The following CSMD1 variants were observed in gnomAD, a reference collection of about 807,000 sequenced individuals.
The protein encoded by CSMD1 is CUB and Sushi multiple domains 1.
CSMD1 carries 213 observed loss-of-function variants against 417.5 expected under a neutral mutation model. The observed-to-expected ratio is 0.51, with a 90% CI of 0.46 to 0.57. The LOEUF (loss-of-function observed/expected upper bound fraction) is 0.57. CSMD1 is among the 20% of genes least tolerant of loss of function. The probability of loss-of-function intolerance (pLI) is 0.00; values close to 1 mark genes in which losing one functional copy is unlikely to be tolerated. For missense variants in CSMD1, 6,923 were observed against 4,529.7 expected, an observed-to-expected ratio of 1.53 and a Z score of -15.17; for synonymous variants, 2,862 against 1,736.8, an observed-to-expected ratio of 1.65 and a Z score of -16.11.
At chr8:3,174,691 C>G (rs933036966) in intron 37 of CSMD1, among the ~76,000 whole-genome samples, 9 of 151,948 alleles carry the variant, frequency 5.9e-5, no homozygotes, top group African/African-American at 2.2e-4. Context: ...ATTTTATTGT[C>G]AGAACATTTA....
chr8:3,838,197 A>G (rs1050865484), intron 5 of CSMD1, among the ~76,000 whole-genome samples: 4 of 152,022 alleles, frequency 2.6e-5, no homozygotes, highest in African/African-American at 9.7e-5. Context: ...CTGCCTTCCT[A>G]TGGATAGATA....
At chr8:4,686,794 C>G (rs1323584476) in intron 1 of CSMD1, among the ~76,000 whole-genome samples, 2 of 152,158 alleles carry the variant, frequency 1.3e-5, no homozygotes, top group Non-Finnish European at 2.9e-5. Flanking sequence ...TTCAGAGACC[C>G]ATTTGAAAGG....
intron 3 of CSMD1, among the ~76,000 whole-genome samples, chr8:4,075,629 A>C (rs1799781011): frequency 6.6e-6 from 1 of 152,130 alleles, no homozygotes; most frequent in South Asian, 2.1e-4. Flanking sequence ...TTGTAGTATA[A>C]CTCACACTGT....
At chr8:3,515,695 A>G (rs753005253) in intron 10 of CSMD1, among the ~76,000 whole-genome samples, 2 of 152,230 alleles carry the variant, frequency 1.3e-5, no homozygotes, top group African/African-American at 2.4e-5. Context: ...CACATATTCT[A>G]GGCCAAAATG....
At chr8:4,422,530 G>T (rs575206581) in intron 2 of CSMD1, among the ~76,000 whole-genome samples, 2 of 152,066 alleles carry the variant, frequency 1.3e-5, no homozygotes, top group Admixed American at 6.6e-5. Flanking sequence ...TGTGAGCATG[G>T]AACAGGAAGG....
chr8:3,086,285 G>A (rs1252546575), intron 49 of CSMD1, among the ~76,000 whole-genome samples: 1 of 152,014 alleles, frequency 6.6e-6, no homozygotes, highest in Non-Finnish European at 1.5e-5. Context: ...AATTTTTAGA[G>A]GTAAAACATA....
At chr8:3,171,845 A>G (rs1158010074) in intron 37 of CSMD1, among the ~76,000 whole-genome samples, 1 of 152,226 alleles carries the variant, frequency 6.6e-6, no homozygotes, top group African/African-American at 2.4e-5. Context: ...AATAGAGGAT[A>G]TAAGTGTGCT....
rs75371041 is a variant in CSMD1, at chr8:3,446,945, G to A, written c.1561+21767C>T. 5.6e-3 allele frequency among the ~76,000 whole-genome samples: 847 copies of A among 152,336 alleles called. 8 individuals are homozygous for A. The highest frequency in any genetic ancestry group is 0.018 in the African/African-American group (754 of 41,574). On this transcript the variant is annotated intron_variant, in intron 12 of 69. Coordinates refer to ENST00000635120, the MANE Select transcript of CSMD1 (RefSeq NM_033225.6). ...GAAGAAAGGAAATAATTAGCATGTTGTCTGCTCACACATAGTGACTTGTTA... is the reference window on the plus strand; with the variant it reads ...GAAGAAAGGAAATAATTAGCATGTTATCTGCTCACACATAGTGACTTGTTA...
chr8:3,945,753 T>A (rs1211780711), intron 5 of CSMD1, among the ~76,000 whole-genome samples: 1 of 152,026 alleles, frequency 6.6e-6, no homozygotes, highest in Non-Finnish European at 1.5e-5. Flanking sequence ...AACCAAGAAA[T>A]GGGCTGGAAC....
intron 5 of CSMD1, among the ~76,000 whole-genome samples, chr8:3,921,831 G>T (rs749164056): frequency 6.6e-6 from 1 of 152,108 alleles, no homozygotes; most frequent in Admixed American, 6.6e-5. Context: ...AGAGTTTTGT[G>T]CAAAGCTTAG....
chr8:3,133,858 C>A (rs746835517), intron 41 of CSMD1, among the ~76,000 whole-genome samples: 2 of 152,154 alleles, frequency 1.3e-5, no homozygotes, highest in Non-Finnish European at 2.9e-5. Flanking sequence ...AAAGGCCGGT[C>A]GAATTCTTGC....
At chr8:4,684,311 C>T (rs142305926) in intron 1 of CSMD1, among the ~76,000 whole-genome samples, 2,161 of 152,220 alleles carry the variant, frequency 0.014, 52 homozygotes, top group South Asian at 0.056. Context: ...TGGTAAAAAT[C>T]GGTTTTCTGT....
chr8:4,662,358 A>G (rs1171356239), intron 1 of CSMD1, among the ~76,000 whole-genome samples: 2 of 152,218 alleles, frequency 1.3e-5, no homozygotes, highest in African/African-American at 4.8e-5. Context: ...ATTTATAGGA[A>G]CATGCATTGT....
At chr8:3,041,576 T>C (rs1811102960) in intron 50 of CSMD1, among the ~76,000 whole-genome samples, 1 of 152,234 alleles carries the variant, frequency 6.6e-6, no homozygotes, top group African/African-American at 2.4e-5. Flanking sequence ...TGTTACATGC[T>C]TGTAGCATTT....
intron 5 of CSMD1, among the ~76,000 whole-genome samples, chr8:3,994,470 C>T (rs893551363): frequency 6.4e-5 from 7 of 108,732 alleles, no homozygotes; most frequent in East Asian, 2.6e-4. Flanking sequence ...AAAAAAAGAA[C>T]ACTTGGCTAG....
chr8:3,156,623 G>A (rs569640575), intron 39 of CSMD1, among the ~76,000 whole-genome samples: 6 of 152,116 alleles, frequency 3.9e-5, no homozygotes, highest in South Asian at 4.1e-4. Flanking sequence ...ATTCAAGAGG[G>A]TGCCTAAACC....
At chr8:3,791,136 A>C (rs1799715962) in intron 5 of CSMD1, among the ~76,000 whole-genome samples, 1 of 152,228 alleles carries the variant, frequency 6.6e-6, no homozygotes, top group Admixed American at 6.5e-5. Flanking sequence ...GGAGTGCATG[A>C]CAAACATATT....
At chr8:3,374,832 G>A (rs1004128310) in intron 18 of CSMD1, among the ~76,000 whole-genome samples, 3 of 152,000 alleles carry the variant, frequency 2.0e-5, no homozygotes, top group Non-Finnish European at 2.9e-5. Flanking sequence ...CCCACCACCC[G>A]CACCACCCCA....
chr8:3,769,472 A>G (rs1798459219), intron 5 of CSMD1, among the ~76,000 whole-genome samples: 1 of 117,014 alleles, frequency 8.5e-6, no homozygotes, highest in Admixed American at 8.1e-5. Flanking sequence ...TTTTTCTTCC[A>G]CAGTTGTTGA....
Sources: gnomAD v4.1 joint callset for allele counts (sites outside exome capture counted in the v4.1 genomes callset) on GRCh38, gnomAD v4.1.1 for gene constraint, MANE v1.5 for transcripts, NCBI Gene and HGNC (gene_info 2026-07-23, HGNC 2026-07-21) for gene names.